The following LCORL variants were observed in gnomAD, a reference collection of about 807,000 sequenced individuals.
LCORL encodes the protein ligand dependent nuclear receptor corepressor like, also known as ligand-dependent nuclear receptor corepressor-like protein.
In LCORL, 41 loss-of-function variants were observed where a neutral mutation model predicts 141.8. The ratio of observed to expected loss-of-function variants is 0.29; its 90% CI spans 0.23 to 0.38. The LOEUF (loss-of-function observed/expected upper bound fraction) is 0.38, where lower values mean the gene tolerates loss of function less well. LCORL is among the 10% of genes least tolerant of loss of function. The pLI is 1.00. For missense variants in LCORL, 1,759 were observed against 2,035.0 expected (o/e 0.86, Z 2.61); for synonymous variants, 618 against 694.1 (o/e 0.89, Z 1.72).
At chr4:18,004,053 G>T (rs1013885222) in intron 1 of LCORL, among the ~76,000 whole-genome samples, 1 of 152,180 alleles carries the variant, frequency 6.6e-6, no homozygotes, top group Non-Finnish European at 1.5e-5. Flanking sequence ...CCAAAGCACA[G>T]AACTTGTAAG....
intron 7 of LCORL, among the ~76,000 whole-genome samples, chr4:17,850,472 T>G (rs1014588736): frequency 6.6e-6 from 1 of 152,096 alleles, no homozygotes. Context: ...GCAAAGGACA[T>G]GAACAGACAC....
intron 7 of LCORL, among the ~76,000 whole-genome samples, chr4:17,851,882 T>A (rs1050536400): frequency 2.0e-5 from 3 of 152,242 alleles, no homozygotes; most frequent in African/African-American, 7.2e-5. Flanking sequence ...AAAAGTGGCA[T>A]ACCATTGTTT....
chr4:18,018,085 T>G (rs1225977729), intron 1 of LCORL, among the ~76,000 whole-genome samples: 1 of 152,112 alleles, frequency 6.6e-6, no homozygotes, highest in Non-Finnish European at 1.5e-5. Context: ...AATACAAAAT[T>G]TTTAAATATT....
chr4:17,923,985 C>A (rs1734712589), intron 4 of LCORL, among the ~76,000 whole-genome samples: 1 of 151,716 alleles, frequency 6.6e-6, no homozygotes, highest in Admixed American at 6.6e-5. Context: ...GAACTTCGAG[C>A]AGTGCAACTC....
chr4:17,926,081 T>C (rs1735099791), intron 4 of LCORL, among the ~76,000 whole-genome samples: 1 of 152,166 alleles, frequency 6.6e-6, no homozygotes, highest in Non-Finnish European at 1.5e-5. Flanking sequence ...AGCTGTATTA[T>C]GTTAGGCATA....
intron 1 of LCORL, among the ~76,000 whole-genome samples, chr4:17,994,713 C>T (rs1007465932): frequency 9.0e-5 from 13 of 144,316 alleles, no homozygotes; most frequent in African/African-American, 2.8e-4. Context: ...TCTGGGGATA[C>T]AGCAGTGAGT....
At chr4:17,864,224 T>C (rs1725351090) in intron 7 of LCORL, among the ~76,000 whole-genome samples, 1 of 152,130 alleles carries the variant, frequency 6.6e-6, no homozygotes, top group South Asian at 2.1e-4. Context: ...ATAAACCCTA[T>C]AGAAGCCACT....
intron 4 of LCORL, among the ~76,000 whole-genome samples, chr4:17,944,522 G>C (rs550806670): frequency 6.6e-6 from 1 of 151,922 alleles, no homozygotes; most frequent in African/African-American, 2.4e-5. Flanking sequence ...TGCAACTCTG[G>C]CCATCAGGAG....
chr4:17,905,557 A>T (rs1345055686), intron 5 of LCORL, among the ~76,000 whole-genome samples: 1 of 151,776 alleles, frequency 6.6e-6, no homozygotes, highest in Non-Finnish European at 1.5e-5. Flanking sequence ...CTACTCTTTG[A>T]AACAGTAGAA....
At chr4:17,878,846 A>G (rs1727199249) in intron 6 of LCORL, among the ~76,000 whole-genome samples, 1 of 151,388 alleles carries the variant, frequency 6.6e-6, no homozygotes, top group Non-Finnish European at 1.5e-5. Context: ...TTACTTACCT[A>G]ATTATTAAGT....
At chr4:17,986,394 T>A (rs1316616265) in intron 1 of LCORL, among the ~76,000 whole-genome samples, 1 of 152,238 alleles carries the variant, frequency 6.6e-6, no homozygotes, top group African/African-American at 2.4e-5. Flanking sequence ...GGGATGCCAG[T>A]GATTTGTAGG....
chr4:17,986,210 T>C (rs1457811425), intron 1 of LCORL, among the ~76,000 whole-genome samples: 3 of 152,160 alleles, frequency 2.0e-5, no homozygotes, highest in African/African-American at 7.2e-5. Flanking sequence ...CATTCCAACC[T>C]TGGAAAATGT....
At chr4:17,875,423 G>A (rs527249855) in exon 7 of LCORL, 2 of 1,231,262 alleles carry the variant, frequency 1.6e-6, no homozygotes, top group African/African-American at 3.1e-5. Flanking sequence ...AGTCAATTTT[G>A]TCTTCACTAA....
chr4:18,009,033 T>C (rs888123924), intron 1 of LCORL, among the ~76,000 whole-genome samples: 1 of 152,062 alleles, frequency 6.6e-6, no homozygotes, highest in Non-Finnish European at 1.5e-5. Context: ...AAATTAACGG[T>C]AATACACTAT....
intron 4 of LCORL, chr4:17,912,227 C>A: frequency 1.3e-6 from 1 of 742,564 alleles, no homozygotes. Context: ...GTGCGCCAGT[C>A]TGTGGAGAGC....
intron 1 of LCORL, among the ~76,000 whole-genome samples, chr4:18,001,289 T>A (rs1721919517): frequency 1.4e-5 from 2 of 143,258 alleles, no homozygotes; most frequent in South Asian, 4.5e-4. Context: ...CTGGCATAAG[T>A]ATTAATAGAT....
chr4:17,877,741 G>C, exon 7 of LCORL: 1 of 1,230,590 alleles, frequency 8.1e-7, no homozygotes, highest in Non-Finnish European at 1.0e-6. Flanking sequence ...TTTGACAAAA[G>C]AGGACTACGA....
rs187729743 is a variant in LCORL at position 18,015,694 on chromosome 4, C to T, written c.154+5904G>A. Among the ~76,000 whole-genome samples, 76 of 151,834 alleles carry T rather than the reference C, an allele frequency of 5.0e-4. 1 individual carries two copies. The East Asian group carries it at 0.012, about 24-fold the overall frequency. On this transcript the variant is annotated intron_variant, in intron 1 of 7. Transcript: ENST00000635767. ...ATCCAGATTTCTAAGTAAATCTACT[C>T]TTATGGGGTTTACATGGCAACAGTG...
At chr4:17,967,533 T>C (rs1715150185) in intron 2 of LCORL, among the ~76,000 whole-genome samples, 1 of 152,186 alleles carries the variant, frequency 6.6e-6, no homozygotes, top group Non-Finnish European at 1.5e-5. Flanking sequence ...TTCTGTAAAT[T>C]TAAAATTGCT....
Sources: allele counts gnomAD v4.1 joint callset (sites outside exome capture counted in the v4.1 genomes callset), GRCh38; gene constraint gnomAD v4.1.1; transcripts MANE v1.5; gene names NCBI Gene and HGNC (gene_info 2026-07-23, HGNC 2026-07-21).